The following CCDC102B variants were observed in gnomAD, a reference collection of about 807,000 sequenced individuals.
CCDC102B encodes the protein coiled-coil domain containing 102B.
In CCDC102B, 75 loss-of-function variants were observed where a neutral mutation model predicts 57.4. The ratio of observed to expected loss-of-function variants is 1.31; its 90% CI spans 1.08 to 1.58. The LOEUF (loss-of-function observed/expected upper bound fraction) is 1.58, where lower values mean the gene tolerates loss of function less well. Among genes scored for constraint, CCDC102B ranks in the 40% most tolerant of loss-of-function variants. The probability of loss-of-function intolerance (pLI) is 0.00; values close to 1 mark genes in which losing one functional copy is unlikely to be tolerated. For missense variants in CCDC102B, 636 were observed against 582.6 expected (o/e 1.09, Z -0.94); for synonymous variants, 206 against 201.9 (o/e 1.02, Z -0.17).
In CCDC102B at chr18:68,956,137, A is replaced by C. The variant is rs774115341; in HGVS notation, c.1264-54797A>C. On this transcript the variant is annotated intron_variant, in intron 6 of 7. Transcript: ENST00000360242. The stretch of plus-strand genomic sequence containing the variant: ...AGTTCCACCCATGTTGTTGCAAATG[A>C]AGGGATATCATCCTTCATGACTGAA... Among the ~76,000 whole-genome samples the C allele has an allele frequency of 6.4e-4, 96 of 151,122 alleles. 1 individual carries two copies. Among genetic ancestry groups the C allele is most frequent in the Admixed American group, 3.6e-3 (54 of 15,050 alleles).
chr18:68,874,795 T>G lies in CCDC102B; in HGVS notation c.1053+10T>G. 1 of 1,466,894 alleles carries G rather than the reference T, an allele frequency of 6.8e-7. No homozygotes were observed. Among genetic ancestry groups the G allele is most frequent in the Non-Finnish European group, 9.5e-7 (1 of 1,047,412 alleles). The allele number at this position is 1,466,894 out of a possible 1,614,324, so 90.9% of individuals were successfully genotyped here. A position where few individuals can be genotyped will look rare whatever the true frequency, so the allele number is the denominator to read the frequency against. On this transcript the variant is annotated intron_variant, in intron 5 of 7. Transcript: ENST00000360242. ...TGAGTTAAGAGCAGAGGTAAGACAC[T>G]GGGTAAAGAGTACCATATATATTAA...
chr18:68,755,656 C>A (rs916269032), intron 2 of CCDC102B, among the ~76,000 whole-genome samples: 2 of 151,950 alleles, frequency 1.3e-5, no homozygotes, highest in Non-Finnish European at 2.9e-5. Flanking sequence ...ATTGAAATGG[C>A]AGCTGTCATG....
chr18:68,809,882 T>A (rs2036178795), intron 1 of CCDC102B, among the ~76,000 whole-genome samples: 1 of 152,214 alleles, frequency 6.6e-6, no homozygotes, highest in South Asian at 2.1e-4. Flanking sequence ...GTCATTAAAA[T>A]ACATTGCTTT....
At chr18:68,884,124 A>G (rs1789243558) in intron 5 of CCDC102B, among the ~76,000 whole-genome samples, 1 of 152,186 alleles carries the variant, frequency 6.6e-6, no homozygotes, top group Admixed American at 6.5e-5. Context: ...AAGTAAGTTC[A>G]AAATGGAACA....
rs368819344 is a variant in CCDC102B, at chr18:68,995,849, G to A, written c.1264-15085G>A. Among the ~76,000 whole-genome samples the A allele has an allele frequency of 3.0e-4, 45 of 152,206 alleles. No individual in the cohort carries two copies. In the South Asian group the frequency reaches 8.1e-3, roughly 27 times the overall value. ...GGTAGATCCACTGACAGCTTGAACCGTGTGCTTGGAAAAGTCACAGGCACT... is the reference window on the plus strand; with the variant it reads ...GGTAGATCCACTGACAGCTTGAACCATGTGCTTGGAAAAGTCACAGGCACT... On this transcript the variant is annotated intron_variant, in intron 6 of 7. Coordinates refer to ENST00000360242, the MANE Select transcript of CCDC102B (RefSeq NM_024781.3).
chr18:68,775,653 A>ATTTTTTTT (rs369282225), intron 2 of CCDC102B, among the ~76,000 whole-genome samples: 1 of 115,558 alleles, frequency 8.7e-6, no homozygotes, highest in African/African-American at 3.4e-5. Flanking sequence ...TAACTCCTGG[A>ATTTTTTTT]TTTTTTTTTT....
chr18:68,888,079 A>G (rs975997490), intron 5 of CCDC102B, among the ~76,000 whole-genome samples: 6 of 152,234 alleles, frequency 3.9e-5, no homozygotes, highest in Non-Finnish European at 7.3e-5. Flanking sequence ...TACAACAGAC[A>G]GTAACCTTAA....
chr18:68,761,434 G>A (rs1414233263), intron 2 of CCDC102B, among the ~76,000 whole-genome samples: 1 of 151,864 alleles, frequency 6.6e-6, no homozygotes, highest in African/African-American at 2.4e-5. Context: ...CTGTTTACGT[G>A]GGTAATCAAT....
At chr18:68,757,396 C>T (rs900117698) in intron 2 of CCDC102B, among the ~76,000 whole-genome samples, 1 of 152,024 alleles carries the variant, frequency 6.6e-6, no homozygotes, top group Non-Finnish European at 1.5e-5. Flanking sequence ...TAGACTTAAT[C>T]TAAAACAGCT....
intron 5 of CCDC102B, among the ~76,000 whole-genome samples, chr18:68,894,056 A>G (rs1459821476): frequency 6.6e-6 from 1 of 151,944 alleles, no homozygotes; most frequent in African/African-American, 2.4e-5. Context: ...TCCTCAAACA[A>G]CCTTCTCCTT....
intron 2 of CCDC102B, among the ~76,000 whole-genome samples, chr18:68,732,732 T>C (rs1222364695): frequency 1.3e-5 from 2 of 152,132 alleles, no homozygotes; most frequent in Non-Finnish European, 2.9e-5. Flanking sequence ...AATTCATCTA[T>C]TTAGAGTTAA....
At chr18:68,753,369 C>G (rs564635671) in intron 2 of CCDC102B, 26 of 152,150 alleles carry the variant, frequency 1.7e-4, no homozygotes, top group African/African-American at 6.0e-4. Flanking sequence ...TTCTGATGAT[C>G]TCTTATGAAA....
intron 7 of CCDC102B, among the ~76,000 whole-genome samples, chr18:69,041,836 T>C (rs939658583): frequency 6.6e-6 from 1 of 152,070 alleles, no homozygotes; most frequent in African/African-American, 2.4e-5. Flanking sequence ...CTAGTTCTTC[T>C]AGTTGTGATG....
intron 2 of CCDC102B, among the ~76,000 whole-genome samples, chr18:68,729,400 G>A (rs1666985932): frequency 6.6e-6 from 1 of 152,152 alleles, no homozygotes; most frequent in Non-Finnish European, 1.5e-5. Context: ...AAACTAAGAT[G>A]GAAGAGCTTA....
intron 6 of CCDC102B, among the ~76,000 whole-genome samples, chr18:68,951,065 T>A (rs1478013340): frequency 1.3e-5 from 2 of 152,058 alleles, no homozygotes; most frequent in Non-Finnish European, 2.9e-5. Context: ...TTGTGTAGGA[T>A]TTGAATATTG....
chr18:69,044,475 G>GT (rs763663395), intron 7 of CCDC102B, among the ~76,000 whole-genome samples: 81 of 152,192 alleles, frequency 5.3e-4, no homozygotes, highest in Non-Finnish European at 9.6e-4. Context: ...GCCAAATTCA[G>GT]TAAGTATTTT....
chr18:68,769,813 A>G (rs1483426529), intron 2 of CCDC102B, among the ~76,000 whole-genome samples: 1 of 152,244 alleles, frequency 6.6e-6, no homozygotes, highest in Non-Finnish European at 1.5e-5. Context: ...GAATGGGAAC[A>G]GATTATGTTG....
chr18:68,982,545 A>G (rs2050618696), intron 6 of CCDC102B, among the ~76,000 whole-genome samples: 1 of 152,014 alleles, frequency 6.6e-6, no homozygotes, highest in African/African-American at 2.4e-5. Context: ...TGGATTGCAT[A>G]GCCCTTGTCA....
chr18:68,801,053 T>G (rs141034854), intron 1 of CCDC102B, among the ~76,000 whole-genome samples: 3 of 152,238 alleles, frequency 2.0e-5, no homozygotes, highest in Non-Finnish European at 4.4e-5. Context: ...ATGCTATCAT[T>G]TTATGAACAT....
Sources: allele counts gnomAD v4.1 joint callset (sites outside exome capture counted in the v4.1 genomes callset), GRCh38; gene constraint gnomAD v4.1.1; transcripts MANE v1.5; gene names NCBI Gene and HGNC (gene_info 2026-07-23, HGNC 2026-07-21).